Variants in CNTNAP2 observed in about 807,000 individuals in gnomAD.
The protein encoded by CNTNAP2 is contactin-associated protein-like 2.
In CNTNAP2, 98 loss-of-function variants were observed where a neutral mutation model predicts 155.2. That is an observed-to-expected ratio of 0.63 (90% CI 0.54 to 0.75). CNTNAP2 has a LOEUF of 0.75. Ranked by LOEUF, CNTNAP2 falls within the 30% of genes least tolerant of loss-of-function variation. The pLI, the probability that CNTNAP2 is intolerant of heterozygous loss-of-function variation, is 0.00. For missense variants in CNTNAP2, 1,727 were observed against 1,688.1 expected, an observed-to-expected ratio of 1.02 and a Z score of -0.40; for synonymous variants, 651 against 631.2, an observed-to-expected ratio of 1.03 and a Z score of -0.47.
At chr7:146,437,512 C>G (rs558263736) in intron 1 of CNTNAP2, among the ~76,000 whole-genome samples, 1 of 151,520 alleles carries the variant, frequency 6.6e-6, no homozygotes, top group Admixed American at 6.6e-5. Context: ...CATTCTCCCT[C>G]GCATTCATAC....
chr7:148,122,647 C>T lies in CNTNAP2; in HGVS notation c.2554+4359C>T, dbSNP rs550563748. Reference sequence around the variant, plus strand: ...CCCTGAAGGCTATGGAGAGCCAGGGCGTAACTTGATCAGGTTTGCATTCAC... The same window carrying T: ...CCCTGAAGGCTATGGAGAGCCAGGGTGTAACTTGATCAGGTTTGCATTCAC... On this transcript the variant is annotated intron_variant, in intron 16 of 23. Coordinates refer to ENST00000361727, the MANE Select transcript of CNTNAP2 (RefSeq NM_014141.6). Among the ~76,000 whole-genome samples, 23 of 152,030 alleles carry T rather than the reference C, an allele frequency of 1.5e-4. No homozygotes were observed. The East Asian group carries it at 3.5e-3, about 23-fold the overall frequency.
intron 12 of CNTNAP2, among the ~76,000 whole-genome samples, chr7:147,599,657 T>G (rs1800906340): frequency 6.6e-6 from 1 of 152,118 alleles, no homozygotes; most frequent in African/African-American, 2.4e-5. Context: ...TTCTGGTGGT[T>G]GCAATCCTTG....
chr7:146,304,918 G>A lies in CNTNAP2; in HGVS notation c.97+187945G>A, dbSNP rs563468210. 2.1e-4 allele frequency among the ~76,000 whole-genome samples: 32 copies of A among 152,200 alleles called. 1 individual carries two copies. The highest frequency in any genetic ancestry group is 1.8e-3 in the Admixed American group (27 of 15,288). The stretch of plus-strand genomic sequence containing the variant: ...CTTTCAGGTACACCAATCAGATGTA[G>A]ATTTGGTCTTTTCACATACTTCCAT... On this transcript the variant is annotated intron_variant, in intron 1 of 23. Coordinates refer to ENST00000361727, the MANE Select transcript of CNTNAP2 (RefSeq NM_014141.6).
intron 1 of CNTNAP2, among the ~76,000 whole-genome samples, chr7:146,644,426 T>C (rs1428248843): frequency 6.6e-6 from 1 of 152,196 alleles, no homozygotes; most frequent in Non-Finnish European, 1.5e-5. Flanking sequence ...GTGGTTTTTG[T>C]CTTTGGTTCT....
At chr7:148,060,144 T>G (rs952297724) in intron 15 of CNTNAP2, among the ~76,000 whole-genome samples, 1 of 152,184 alleles carries the variant, frequency 6.6e-6, no homozygotes, top group Non-Finnish European at 1.5e-5. Flanking sequence ...AGCTTTGCTG[T>G]TGGGAAAATT....
chr7:147,637,988 G>C (rs540883854), intron 12 of CNTNAP2, among the ~76,000 whole-genome samples: 3 of 152,208 alleles, frequency 2.0e-5, no homozygotes, highest in African/African-American at 7.2e-5. Flanking sequence ...AAGGCCAAAG[G>C]CTTGATTCTT....
chr7:146,836,275 A>G (rs907897994), intron 2 of CNTNAP2, among the ~76,000 whole-genome samples: 5 of 152,106 alleles, frequency 3.3e-5, no homozygotes, highest in Admixed American at 2.6e-4. Context: ...AATCTTGGGC[A>G]GGGATCAACA....
chr7:146,358,737 A>G (rs1001093813), intron 1 of CNTNAP2, among the ~76,000 whole-genome samples: 2 of 152,204 alleles, frequency 1.3e-5, no homozygotes, highest in Non-Finnish European at 2.9e-5. Flanking sequence ...AAGCAGTCTA[A>G]AATGATGATT....
chr7:146,155,209 A>G (rs1487715677), intron 1 of CNTNAP2, among the ~76,000 whole-genome samples: 1 of 152,208 alleles, frequency 6.6e-6, no homozygotes, highest in East Asian at 1.9e-4. Flanking sequence ...AGACTCTTCA[A>G]TAGGTTACAC....
chr7:146,925,379 A>G (rs988098636), intron 3 of CNTNAP2, among the ~76,000 whole-genome samples: 1 of 152,136 alleles, frequency 6.6e-6, no homozygotes, highest in Admixed American at 6.6e-5. Flanking sequence ...TATTAAGAAG[A>G]GCAAGGTGAC....
intron 6 of CNTNAP2, chr7:147,122,201 T>C (rs1368410962): frequency 6.6e-6 from 1 of 151,512 alleles, no homozygotes; most frequent in Non-Finnish European, 1.5e-5. Flanking sequence ...AAAAAAGATG[T>C]TTGTCACAGT....
chr7:146,349,060 C>T (rs1413560274), intron 1 of CNTNAP2, among the ~76,000 whole-genome samples: 1 of 152,110 alleles, frequency 6.6e-6, no homozygotes, highest in Non-Finnish European at 1.5e-5. Flanking sequence ...TAGTAAGTTA[C>T]CACAAGGCCT....
chr7:146,688,930 TA>T (rs1304318540), intron 1 of CNTNAP2, among the ~76,000 whole-genome samples: 1 of 152,174 alleles, frequency 6.6e-6, no homozygotes, highest in African/African-American at 2.4e-5. Flanking sequence ...TTATAGTATG[TA>T]AAACTAAGAT....
chr7:147,011,773 C>G (rs1376576224), intron 3 of CNTNAP2, among the ~76,000 whole-genome samples: 1 of 152,176 alleles, frequency 6.6e-6, no homozygotes, highest in Non-Finnish European at 1.5e-5. Flanking sequence ...CCTGTCTTAT[C>G]TGGGTAAGAG....
intron 1 of CNTNAP2, among the ~76,000 whole-genome samples, chr7:146,563,743 A>G (rs1798315849): frequency 1.3e-5 from 2 of 152,190 alleles, no homozygotes; most frequent in Non-Finnish European, 2.9e-5. Flanking sequence ...AGAAAAGCTT[A>G]TAGAGGTTAC....
intron 1 of CNTNAP2, among the ~76,000 whole-genome samples, chr7:146,412,386 A>G (rs539561013): frequency 1.3e-5 from 2 of 152,292 alleles, no homozygotes; most frequent in South Asian, 4.1e-4. Flanking sequence ...TCTTCTTATT[A>G]ATTTGGGGCT....
intron 3 of CNTNAP2, among the ~76,000 whole-genome samples, chr7:146,991,488 G>A (rs1447328923): frequency 1.3e-5 from 2 of 152,136 alleles, no homozygotes; most frequent in Non-Finnish European, 2.9e-5. Flanking sequence ...CCACAGTGGG[G>A]CACACCTTGA....
chr7:147,114,243 T>C (rs1481577459), intron 5 of CNTNAP2, among the ~76,000 whole-genome samples: 4 of 152,200 alleles, frequency 2.6e-5, no homozygotes, highest in Admixed American at 2.6e-4. Flanking sequence ...TGTCATCAAT[T>C]TTAGAGTAAG....
chr7:148,130,304 C>T (rs1804802976), intron 16 of CNTNAP2, among the ~76,000 whole-genome samples: 1 of 152,226 alleles, frequency 6.6e-6, no homozygotes, highest in Non-Finnish European at 1.5e-5. Context: ...AACAATGCCA[C>T]AGAAAGCATC....
Sources: allele counts gnomAD v4.1 joint callset (sites outside exome capture counted in the v4.1 genomes callset), GRCh38; gene constraint gnomAD v4.1.1; transcripts MANE v1.5; gene names NCBI Gene and HGNC (gene_info 2026-07-23, HGNC 2026-07-21).